The following CPQ variants were observed in gnomAD, a reference collection of about 807,000 sequenced individuals.
CPQ encodes Ser-Met dipeptidase.
In CPQ, 37 loss-of-function variants were observed where a neutral mutation model predicts 45.7. The observed-to-expected ratio is 0.81, with a 90% CI of 0.62 to 1.07. The LOEUF (loss-of-function observed/expected upper bound fraction) is 1.07, where lower values mean the gene tolerates loss of function less well. Ranked by LOEUF, CPQ falls within the 50% of genes least tolerant of loss-of-function variation. The pLI, the probability that CPQ is intolerant of heterozygous loss-of-function variation, is 0.00. For missense variants in CPQ, 537 were observed against 572.9 expected (o/e 0.94, Z 0.64); for synonymous variants, 186 against 205.8 (o/e 0.90, Z 0.82).
intron 1 of CPQ, among the ~76,000 whole-genome samples, chr8:96,668,049 T>A (rs958605848): frequency 6.6e-6 from 1 of 152,242 alleles, no homozygotes; most frequent in Non-Finnish European, 1.5e-5. Context: ...GGAAAAGTAC[T>A]AATTTGCAAT....
chr8:96,674,615 G>T (rs1347037984), intron 1 of CPQ, among the ~76,000 whole-genome samples: 1 of 152,046 alleles, frequency 6.6e-6, no homozygotes, highest in Non-Finnish European at 1.5e-5. Flanking sequence ...TTGAAACTTG[G>T]CATAGCAGTT....
At chr8:97,057,789 T>G (rs1211499508) in intron 6 of CPQ, among the ~76,000 whole-genome samples, 1 of 152,190 alleles carries the variant, frequency 6.6e-6, no homozygotes, top group Non-Finnish European at 1.5e-5. Context: ...CTTAAATTTT[T>G]GCAGGAGCAA....
At chr8:96,880,569 A>G (rs1379938675) in intron 4 of CPQ, among the ~76,000 whole-genome samples, 16 of 78,968 alleles carry the variant, frequency 2.0e-4, no homozygotes, top group Non-Finnish European at 3.9e-4. Flanking sequence ...ATATATATAT[A>G]TATATATACC....
chr8:96,847,170 T>C (rs575845355), intron 3 of CPQ, among the ~76,000 whole-genome samples: 1 of 152,326 alleles, frequency 6.6e-6, no homozygotes, highest in East Asian at 1.9e-4. Context: ...GCATTCCACC[T>C]TTGTAGAGGA....
Position 96,740,163 on chromosome 8 carries a change from G to A in CPQ, c.-34-44701G>A, listed in dbSNP as rs942481032. The stretch of plus-strand genomic sequence containing the variant: ...TGAGCAGTGGTTTGTAGTTCTCCTT[G>A]AAGAGGTCCTTCACATCCCTTGTAA... On this transcript the variant is annotated intron_variant, in intron 1 of 7. Coordinates refer to ENST00000220763, the MANE Select transcript of CPQ (RefSeq NM_016134.4). Among the ~76,000 whole-genome samples the A allele has an allele frequency of 4.5e-4, 69 of 152,064 alleles. 1 individual carries two copies. The highest frequency in any genetic ancestry group is 3.4e-3 in the Middle Eastern group (1 of 294).
chr8:96,773,565 C>A (rs116051095), intron 1 of CPQ, among the ~76,000 whole-genome samples: 1 of 152,218 alleles, frequency 6.6e-6, no homozygotes, highest in African/African-American at 2.4e-5. Flanking sequence ...GTTAAACAGC[C>A]TGGTGGGGAT....
intron 4 of CPQ, among the ~76,000 whole-genome samples, chr8:96,894,930 A>T (rs1224279822): frequency 6.6e-6 from 1 of 152,204 alleles, no homozygotes; most frequent in Admixed American, 6.5e-5. Context: ...ATAACCAATT[A>T]TATGTTTTAC....
intron 1 of CPQ, among the ~76,000 whole-genome samples, chr8:96,701,542 A>T (rs1809460047): frequency 6.6e-6 from 1 of 152,132 alleles, no homozygotes; most frequent in African/African-American, 2.4e-5. Context: ...TTGGAAGATT[A>T]AATGTATCTA....
At chr8:96,671,560 T>C (rs1809005583) in intron 1 of CPQ, among the ~76,000 whole-genome samples, 1 of 152,100 alleles carries the variant, frequency 6.6e-6, no homozygotes, top group Admixed American at 6.5e-5. Context: ...ACAAATGGCC[T>C]ACCTAAGGTT....
chr8:96,711,811 C>G (rs1350060956), intron 1 of CPQ, among the ~76,000 whole-genome samples: 2 of 152,078 alleles, frequency 1.3e-5, no homozygotes, highest in African/African-American at 2.4e-5. Flanking sequence ...TCTAGCCCCT[C>G]CCAAATCTCA....
At chr8:97,061,223 TA>T (rs763161570) in intron 6 of CPQ, among the ~76,000 whole-genome samples, 16 of 152,196 alleles carry the variant, frequency 1.1e-4, no homozygotes, top group South Asian at 2.1e-4. Context: ...TTAGGCTTTT[TA>T]TTTATAGTTG....
intron 1 of CPQ, among the ~76,000 whole-genome samples, chr8:96,726,033 A>G (rs1187106035): frequency 6.6e-6 from 1 of 152,194 alleles, no homozygotes; most frequent in Non-Finnish European, 1.5e-5. Context: ...GTAGGAACTA[A>G]CCATTTGGTA....
chr8:96,810,435 CACTT>C (rs1019776880), intron 2 of CPQ, among the ~76,000 whole-genome samples: 3 of 152,156 alleles, frequency 2.0e-5, no homozygotes, highest in African/African-American at 7.2e-5. Context: ...CCCAGTCTCT[CACTT>C]AGTGGTTAGA....
intron 1 of CPQ, among the ~76,000 whole-genome samples, chr8:96,776,804 CT>C (rs1810610792): frequency 6.6e-6 from 1 of 152,008 alleles, no homozygotes; most frequent in African/African-American, 2.4e-5. Context: ...AAAAGCAAAT[CT>C]TTTTCAAACA....
At chr8:96,696,915 A>G (rs1016327047) in intron 1 of CPQ, among the ~76,000 whole-genome samples, 2 of 152,220 alleles carry the variant, frequency 1.3e-5, no homozygotes, top group African/African-American at 2.4e-5. Flanking sequence ...TGATGGTTCC[A>G]TGGCTGAATT....
In CPQ at chr8:96,670,892, G is replaced by A. The variant is rs868183755; in HGVS notation, c.-35+25490G>A. Among the ~76,000 whole-genome samples the A allele has an allele frequency of 3.5e-4, 54 of 152,150 alleles. 1 individual carries two copies. The highest frequency in any genetic ancestry group is 1.9e-3 in the South Asian group (9 of 4,818). On this transcript the variant is annotated intron_variant, in intron 1 of 7. Transcript: ENST00000220763. ...GAGTTTGGGTGGGGGTGGGAGTAGA[G>A]GGATGCGTGGGTGTAGCTGTAAAAG...
chr8:97,121,148 T>G (rs1316694388), intron 7 of CPQ, among the ~76,000 whole-genome samples: 2 of 152,200 alleles, frequency 1.3e-5, no homozygotes, highest in Non-Finnish European at 2.9e-5. Context: ...GTAAAGCAAC[T>G]GTCAGGTGCT....
At chr8:96,663,588 G>A (rs1170730890) in intron 1 of CPQ, among the ~76,000 whole-genome samples, 1 of 152,180 alleles carries the variant, frequency 6.6e-6, no homozygotes, top group African/African-American at 2.4e-5. Context: ...AAAATCTTTA[G>A]TTTCTTTTGC....
chr8:96,693,928 A>G (rs1809337434), intron 1 of CPQ, among the ~76,000 whole-genome samples: 1 of 152,220 alleles, frequency 6.6e-6, no homozygotes, highest in African/African-American at 2.4e-5. Context: ...TGTAGGCAAT[A>G]CAATAAGATA....
Sources: gnomAD v4.1 joint callset for allele counts (sites outside exome capture counted in the v4.1 genomes callset) on GRCh38, gnomAD v4.1.1 for gene constraint, MANE v1.5 for transcripts, NCBI Gene and HGNC (gene_info 2026-07-23, HGNC 2026-07-21) for gene names.